HMCN1: variants seen among roughly 807,000 people sequenced by gnomAD.
HMCN1 encodes the protein hemicentin 1.
In HMCN1, 321 loss-of-function variants were observed where a neutral mutation model predicts 625.9. That is an observed-to-expected ratio of 0.51 (90% CI 0.47 to 0.56). The LOEUF (loss-of-function observed/expected upper bound fraction) is 0.56, where lower values mean the gene tolerates loss of function less well. Among genes scored for constraint, HMCN1 ranks in the 20% least tolerant of loss-of-function variants. The pLI is 0.00. For synonymous variants in HMCN1, 2,425 were observed against 2,417.6 expected, an observed-to-expected ratio of 1.00 and a Z score of -0.09; for missense variants, 6,588 against 6,887.3, an observed-to-expected ratio of 0.96 and a Z score of 1.54.
chr1:185,997,458 C>G lies in HMCN1; in HGVS notation c.3808C>G (p.Pro1270Ala), dbSNP rs1222662982. 6.2e-7 allele frequency: 1 copy of G among 1,612,206 alleles called. No individual in the cohort carries two copies. Among genetic ancestry groups the G allele is most frequent in the Non-Finnish European group, 8.5e-7 (1 of 1,178,830 alleles). The change falls in exon 25 of 107, where the codon CCA becomes GCA. Residue 1270 changes from proline (P) to alanine (A), a missense_variant. By Grantham distance (27) the Pro-to-Ala change is conservative. Around this residue, in one of 3 missense-constraint regions of HMCN1, gnomAD observed 4,628 missense variants for 4,853.1 expected, o/e 0.95. Transcript: ENST00000271588. Reference sequence around the variant, plus strand: ...ACCCACAGTGGAAGATCTAGAACCTCCATATAACACTACTTTCCAAGAAAG... The same window carrying G: ...ACCCACAGTGGAAGATCTAGAACCTGCATATAACACTACTTTCCAAGAAAG... ...EPPTVEDLEP[P>A]YNTTFQERVA...
Position 186,074,776 on chromosome 1 carries a change from G to A in HMCN1, c.8175G>A (p.Ala2725=), listed in dbSNP as rs371338513. ...CCGATGATCATGTTAATATTGCTGCGAATGGACACACACTTCAAATAAAGG... is the reference window on the plus strand; with the variant it reads ...CCGATGATCATGTTAATATTGCTGCAAATGGACACACACTTCAAATAAAGG... ...LKSDDHVNIA[A]NGHTLQIKEA... Residue 2725 remains alanine (A), a synonymous_variant, in exon 53 of 107, where the codon GCG becomes GCA. Coordinates refer to ENST00000271588, the MANE Select transcript of HMCN1 (RefSeq NM_031935.3). 39 of 1,612,730 alleles carry A rather than the reference G, an allele frequency of 2.4e-5. No homozygotes were observed. Among genetic ancestry groups the A allele is most frequent in the African/African-American group, 9.4e-5 (7 of 74,834 alleles).
intron 36 of HMCN1, among the ~76,000 whole-genome samples, chr1:186,023,791 A>T (rs1654876656): frequency 6.6e-6 from 1 of 152,194 alleles, no homozygotes; most frequent in Admixed American, 6.5e-5. Context: ...TCTAATTCAC[A>T]TGATTTCTTC....
chr1:185,759,652 T>A (rs1382732647), intron 1 of HMCN1, among the ~76,000 whole-genome samples: 1 of 152,258 alleles, frequency 6.6e-6, no homozygotes, highest in Non-Finnish European at 1.5e-5. Flanking sequence ...TATGATTTAT[T>A]CATCTTTCTA....
At chr1:185,789,149 A>T (rs1036123012) in intron 1 of HMCN1, among the ~76,000 whole-genome samples, 2 of 152,224 alleles carry the variant, frequency 1.3e-5, no homozygotes, top group African/African-American at 4.8e-5. Context: ...GTCATAAACA[A>T]TGGTACCTTA....
intron 42 of HMCN1, among the ~76,000 whole-genome samples, chr1:186,049,470 T>TA (rs1333080035): frequency 6.6e-6 from 1 of 151,822 alleles, no homozygotes; most frequent in Non-Finnish European, 1.5e-5. Flanking sequence ...ATTACTATAA[T>TA]AACCAGGGAG....
At chr1:185,894,339 T>C (rs547835500) in intron 4 of HMCN1, among the ~76,000 whole-genome samples, 68 of 152,210 alleles carry the variant, frequency 4.5e-4, no homozygotes, top group Non-Finnish European at 8.8e-4. Context: ...TTCATTCTCA[T>C]TGATGTATAG....
At chr1:186,030,040 AT>A (rs1424600578) in intron 36 of HMCN1, among the ~76,000 whole-genome samples, 1 of 152,016 alleles carries the variant, frequency 6.6e-6, no homozygotes, top group Non-Finnish European at 1.5e-5. Context: ...TTCTTTCATT[AT>A]TGGTTCCTAA....
At position 186,089,616 on chromosome 1, in the gene HMCN1, A is replaced by C. The variant is rs1174551201; in HGVS notation, c.9727+861A>C. Among the ~76,000 whole-genome samples the C allele has an allele frequency of 2.0e-5, 3 of 152,038 alleles. No individual in the cohort carries two copies. In the East Asian group the frequency reaches 5.8e-4, roughly 29 times the overall value. On this transcript the variant is annotated intron_variant, in intron 63 of 106. Transcript: ENST00000271588. The stretch of plus-strand genomic sequence containing the variant: ...GAAGTTGCATATTGAATTATGTCTA[A>C]TGCATTAATAATAACAGATGCTAAT...
chr1:186,130,565 T>C lies in HMCN1; in HGVS notation c.13098T>C (p.Asn4366=), dbSNP rs757384255. 1.2e-5 allele frequency: 19 copies of C among 1,613,476 alleles called. No individual in the cohort carries two copies. The South Asian group carries it at 1.9e-4, about 16-fold the overall frequency. Residue 4366 remains asparagine (N), a synonymous_variant, in exon 85 of 107, where the codon AAT becomes AAC. Transcript: ENST00000271588. ...PSNWIEPLGG[N]AILNCEVKGD... ...ACTGGATTGAACCACTTGGTGGGAA[T>C]GCAATCCTGAATTGTGAGGTGAAAG...
rs375692254 is a variant in HMCN1, at chr1:186,178,493, T to C, written c.16021T>C (p.Cys5341Arg). The C allele has an allele frequency of 3.1e-5, 50 of 1,614,026 alleles. No homozygotes were observed. The highest frequency in any genetic ancestry group is 4.2e-5 in the Non-Finnish European group (49 of 1,179,992). ...SNTPGSFKCI[C>R]PPGQHLLGDG... is the part of the protein sequence containing the mutation. ...CACCCCCGGCAGCTTCAAGTGTATCTGTCCACCAGGACAACATTTATTAGG... is the reference window on the plus strand; with the variant it reads ...CACCCCCGGCAGCTTCAAGTGTATCCGTCCACCAGGACAACATTTATTAGG... Residue 5341 changes from cysteine to arginine, a missense_variant, in exon 104 of 107, where the codon TGT (cysteine) becomes CGT (arginine). Physicochemically the swap from Cys to Arg is radical, Grantham distance 180. This residue lies in a region of HMCN1 where 1,954 missense variants were observed against 2,013.1 expected (regional missense o/e 0.97). Transcript: ENST00000271588.
At chr1:186,107,021 C>A in intron 70 of HMCN1, 56 bp downstream of exon 70, 1 of 1,020,916 alleles carries the variant, frequency 9.8e-7, no homozygotes, top group South Asian at 1.3e-5. Context: ...TTAGAAAACC[C>A]TGGGACAACA....
intron 93 of HMCN1, among the ~76,000 whole-genome samples, chr1:186,146,152 T>C (rs1415889829): frequency 6.6e-6 from 1 of 152,100 alleles, no homozygotes; most frequent in Non-Finnish European, 1.5e-5. Context: ...GTCCTGGCAT[T>C]GACAGGAAAA....
chr1:185,871,865 T>A (rs1663642051), intron 4 of HMCN1, among the ~76,000 whole-genome samples: 1 of 152,230 alleles, frequency 6.6e-6, no homozygotes, highest in Non-Finnish European at 1.5e-5. Flanking sequence ...ATGGGCTCAA[T>A]GATGAGACTC....
chr1:185,998,916 G>A (rs1240000474), intron 25 of HMCN1, among the ~76,000 whole-genome samples: 1 of 152,054 alleles, frequency 6.6e-6, no homozygotes, highest in Non-Finnish European at 1.5e-5. Flanking sequence ...GATGATTACA[G>A]CCTCCTTTTT....
intron 1 of HMCN1, among the ~76,000 whole-genome samples, chr1:185,790,131 G>A (rs1471760018): frequency 6.6e-6 from 1 of 152,182 alleles, no homozygotes; most frequent in Non-Finnish European, 1.5e-5. Flanking sequence ...ACCAAAAACA[G>A]TGAGAACAAA....
chr1:186,183,307 G>A (rs1365585977), intron 105 of HMCN1, among the ~76,000 whole-genome samples: 2 of 152,154 alleles, frequency 1.3e-5, no homozygotes, highest in Non-Finnish European at 2.9e-5. Context: ...GCAAAACCAA[G>A]GTGGACAATG....
intron 46 of HMCN1, among the ~76,000 whole-genome samples, chr1:186,058,645 TG>T (rs1657499824): frequency 6.6e-6 from 1 of 152,078 alleles, no homozygotes; most frequent in East Asian, 1.9e-4. Context: ...TGTCAGTATA[TG>T]GAAGATTCTA....
At chr1:185,856,320 C>T (rs1662460013) in intron 2 of HMCN1, among the ~76,000 whole-genome samples, 1 of 151,892 alleles carries the variant, frequency 6.6e-6, no homozygotes, top group Non-Finnish European at 1.5e-5. Context: ...GAAACGCTGT[C>T]TCTACTAAAA....
chr1:185,878,232 A>G (rs754288048), intron 4 of HMCN1, among the ~76,000 whole-genome samples: 1 of 152,138 alleles, frequency 6.6e-6, no homozygotes, highest in African/African-American at 2.4e-5. Flanking sequence ...GATGCTTTTC[A>G]TTTTTTAATC....
Sources: allele counts gnomAD v4.1 joint callset (sites outside exome capture counted in the v4.1 genomes callset), GRCh38; gene constraint gnomAD v4.1.1; regional missense constraint gnomAD v4.1.1; transcripts MANE v1.5; gene names NCBI Gene and HGNC (gene_info 2026-07-23, HGNC 2026-07-21).